Variants in DENND4C observed in about 807,000 individuals in gnomAD.
DENND4C encodes DENN domain-containing protein 4C.
In DENND4C, 108 loss-of-function variants were observed where a neutral mutation model predicts 203.0. That is an observed-to-expected ratio of 0.53 (90% CI 0.46 to 0.62). The LOEUF is 0.62. Ranked by LOEUF, DENND4C falls within the 20% of genes least tolerant of loss-of-function variation. The pLI, the probability that DENND4C is intolerant of heterozygous loss-of-function variation, is 0.00. For missense variants in DENND4C, 2,481 were observed against 2,301.2 expected, an observed-to-expected ratio of 1.08 and a Z score of -1.60; for synonymous variants, 871 against 792.4, an observed-to-expected ratio of 1.10 and a Z score of -1.67.
chr9:19,336,318 T>A lies in DENND4C; in HGVS notation c.2638T>A (p.Leu880Ile). 6.2e-7 allele frequency: 1 copy of A among 1,614,118 alleles called. No individual in the cohort carries two copies. The highest frequency in any genetic ancestry group is 8.5e-7 in the Non-Finnish European group (1 of 1,179,988). ...WPSSTRSGIF[L>I]WTKVRNVVRG... The stretch of plus-strand genomic sequence containing the variant: ...TAGCAGTACCCGCAGTGGTATTTTC[T>A]TATGGACGAAGGTACGGAATGTGGT... Residue 880 changes from leucine to isoleucine, a missense_variant, in exon 19 of 33, where the codon TTA becomes ATA. Physicochemically the swap from Leu to Ile is conservative, Grantham distance 5. Coordinates refer to ENST00000434457, the MANE Select transcript of DENND4C (RefSeq NM_001330640.2).
At chr9:19,320,886 A>G (rs1842771557) in intron 12 of DENND4C, among the ~76,000 whole-genome samples, 1 of 152,208 alleles carries the variant, frequency 6.6e-6, no homozygotes, top group African/African-American at 2.4e-5. Context: ...TAACTTGTGG[A>G]GAATAATTTA....
chr9:19,281,025 G>A (rs967489993), intron 2 of DENND4C, among the ~76,000 whole-genome samples: 11 of 152,272 alleles, frequency 7.2e-5, no homozygotes, highest in South Asian at 2.1e-4. Flanking sequence ...ACAGGAGTGA[G>A]CCACTGTGCC....
chr9:19,300,070 A>G lies in DENND4C; in HGVS notation c.1167-117A>G, dbSNP rs575907251. ...ATTTGCTACTTTTCATTGATAAATA[A>G]GTAAAGACTAGAAATTAACACTAGA... On this transcript the variant is annotated intron_variant, in intron 8 of 32. Coordinates refer to ENST00000434457, the MANE Select transcript of DENND4C (RefSeq NM_001330640.2). 1.3e-5 allele frequency: 14 copies of G among 1,040,002 alleles called. No homozygotes were observed. The South Asian group carries it at 3.0e-4, about 23-fold the overall frequency. 64.4% of individuals were successfully genotyped at this position (1,040,002 alleles called of 1,614,324 possible).
chr9:19,335,884 G>T (rs1820355257), intron 18 of DENND4C, among the ~76,000 whole-genome samples: 1 of 152,022 alleles, frequency 6.6e-6, no homozygotes, highest in African/African-American at 2.4e-5. Flanking sequence ...CCAGTAATAG[G>T]ATTGCTGGAT....
At chr9:19,260,371 G>GGCTATGTTATGTTAT in intron 1 of DENND4C, among the ~76,000 whole-genome samples, 1 of 147,194 alleles carries the variant, frequency 6.8e-6, no homozygotes, top group Non-Finnish European at 1.5e-5. Context: ...TATATGTTCT[G>GGCTATGTTATGTTAT]GTTATGTTAT....
chr9:19,232,263 G>A (rs992317785), intron 1 of DENND4C, among the ~76,000 whole-genome samples: 2 of 147,942 alleles, frequency 1.4e-5, no homozygotes, highest in East Asian at 3.9e-4. Context: ...GCTTTGACTT[G>A]TTTTTTTTTT....
intron 30 of DENND4C, among the ~76,000 whole-genome samples, chr9:19,368,928 G>A (rs1459787680): frequency 6.6e-6 from 1 of 152,086 alleles, no homozygotes; most frequent in Non-Finnish European, 1.5e-5. Context: ...GAGGCAGGAG[G>A]ACTGCTTGAG....
chr9:19,335,212 AT>A (rs1820168656), intron 18 of DENND4C, 107 bp downstream of exon 18: 1 of 649,438 alleles, frequency 1.5e-6, no homozygotes, highest in Non-Finnish European at 2.2e-6. Context: ...TTGGGATATA[AT>A]TTTTTAATAA....
chr9:19,255,310 T>C (rs1240530453), intron 1 of DENND4C, among the ~76,000 whole-genome samples: 3 of 152,058 alleles, frequency 2.0e-5, no homozygotes, highest in African/African-American at 7.2e-5. Context: ...GAGGCTGAGC[T>C]AGAAGGATCA....
chr9:19,287,967 C>T (rs1174151507), intron 3 of DENND4C, among the ~76,000 whole-genome samples: 1 of 152,188 alleles, frequency 6.6e-6, no homozygotes, highest in Non-Finnish European at 1.5e-5. Context: ...ATCTCTTGAC[C>T]TTGTGATCCA....
intron 1 of DENND4C, among the ~76,000 whole-genome samples, chr9:19,238,673 G>C (rs1299371305): frequency 1.9e-4 from 19 of 101,470 alleles, no homozygotes; most frequent in African/African-American, 7.3e-4. Context: ...TTTTTTTTGA[G>C]ACAGAATTTC....
intron 30 of DENND4C, among the ~76,000 whole-genome samples, chr9:19,363,501 C>G (rs1826946379): frequency 6.8e-6 from 1 of 147,724 alleles, no homozygotes; most frequent in African/African-American, 2.5e-5. Context: ...GACTCCATCT[C>G]AAAAAAAAAA....
chr9:19,274,482 A>G (rs1050515862), intron 1 of DENND4C, among the ~76,000 whole-genome samples: 3 of 152,130 alleles, frequency 2.0e-5, no homozygotes, highest in Non-Finnish European at 4.4e-5. Flanking sequence ...TTTAGTAGAG[A>G]TGGGATTTCT....
chr9:19,305,620 G>C, intron 10 of DENND4C, 93 bp downstream of exon 10: 3 of 1,303,842 alleles, frequency 2.3e-6, no homozygotes, highest in Non-Finnish European at 3.1e-6. Flanking sequence ...TGCTATTTTT[G>C]GTAGTTGTTA....
intron 1 of DENND4C, among the ~76,000 whole-genome samples, chr9:19,265,905 A>T (rs1478617536): frequency 6.6e-6 from 1 of 152,270 alleles, no homozygotes. Flanking sequence ...ATAGTGCCAC[A>T]GTAAACATAT....
chr9:19,355,557 C>T (rs1173711839), intron 26 of DENND4C, among the ~76,000 whole-genome samples: 1 of 152,188 alleles, frequency 6.6e-6, no homozygotes, highest in Non-Finnish European at 1.5e-5. Context: ...TTGCTTACTG[C>T]TATATGGTGT....
intron 1 of DENND4C, among the ~76,000 whole-genome samples, chr9:19,267,368 T>C (rs2130770427): frequency 6.6e-6 from 1 of 152,318 alleles, no homozygotes; most frequent in South Asian, 2.1e-4. Flanking sequence ...ACCTTCTTTG[T>C]CTCTTTTTAT....
intron 5 of DENND4C, among the ~76,000 whole-genome samples, chr9:19,295,795 T>C (rs1324786073): frequency 6.6e-6 from 1 of 152,148 alleles, no homozygotes; most frequent in East Asian, 1.9e-4. Context: ...AGATACATAG[T>C]TGAATGTATA....
chr9:19,237,753 C>G (rs1033077647), intron 1 of DENND4C, among the ~76,000 whole-genome samples: 1 of 152,106 alleles, frequency 6.6e-6, no homozygotes, highest in Non-Finnish European at 1.5e-5. Context: ...TTGCCGCTGG[C>G]TAGATTAATG....
Sources: gnomAD v4.1 joint callset for allele counts (sites outside exome capture counted in the v4.1 genomes callset) on GRCh38, gnomAD v4.1.1 for gene constraint, MANE v1.5 for transcripts, NCBI Gene and HGNC (gene_info 2026-07-23, HGNC 2026-07-21) for gene names.